Variants in SYT2 observed in about 807,000 individuals in gnomAD.
SYT2 encodes the protein synaptotagmin 2, also known as synaptotagmin-2.
SYT2 carries 15 observed loss-of-function variants against 39.9 expected under a neutral mutation model. The ratio of observed to expected loss-of-function variants is 0.38; its 90% CI spans 0.25 to 0.58. SYT2 has a LOEUF of 0.58. SYT2 is among the 20% of genes least tolerant of loss of function. The pLI is 0.70. For missense variants in SYT2, 389 were observed against 530.3 expected (o/e 0.73, Z 2.62); for synonymous variants, 181 against 204.5 (o/e 0.89, Z 0.98).
chr1:202,695,260 C>CA (rs972468764), intron 1 of SYT2, among the ~76,000 whole-genome samples: 7 of 152,274 alleles, frequency 4.6e-5, no homozygotes, highest in Admixed American at 3.3e-4. Flanking sequence ...CTGGTAACAA[C>CA]AAAAAGTCTA....
At chr1:202,631,582 G>A (rs534082250) in intron 1 of SYT2, among the ~76,000 whole-genome samples, 1 of 152,270 alleles carries the variant, frequency 6.6e-6, no homozygotes, top group East Asian at 1.9e-4. Context: ...CACCAGGCAT[G>A]GTTCCTCATG....
chr1:202,669,241 C>T (rs1471034656), intron 1 of SYT2, among the ~76,000 whole-genome samples: 1 of 152,156 alleles, frequency 6.6e-6, no homozygotes, highest in Non-Finnish European at 1.5e-5. Flanking sequence ...ATCTTTAGCA[C>T]AGGCATGATG....
intron 1 of SYT2, among the ~76,000 whole-genome samples, chr1:202,691,728 GGGGGGA>G (rs1653833655): frequency 7.0e-5 from 1 of 14,252 alleles, no homozygotes; most frequent in African/African-American, 1.8e-4. Flanking sequence ...AGAGGGAGAG[GGGGGGA>G]GAGAGAGAGA....
chr1:202,632,619 T>C, intron 1 of SYT2: 1 of 984,188 alleles, frequency 1.0e-6, no homozygotes, highest in Non-Finnish European at 1.2e-6. Context: ...CAGGCTCGAC[T>C]CTTCTCCAAG....
At position 202,599,237 on chromosome 1, in the gene SYT2, A is replaced by C; in HGVS notation, c.1034T>G (p.Ile345Ser). The change falls in exon 8 of 9, where the codon ATC becomes AGC. Residue 345 changes from isoleucine to serine, a missense_variant. Transcript: ENST00000367268. The surrounding 1 kb of genome is among the most constrained non-coding windows in gnomAD (Gnocchi z 4.4). ...CAGCACCTGAATCTGCTCGAAGGGG[A>C]TCTCAAAGCTGAAGGACTCGTTGAA... ...PYFNESFSFE[I>S]PFEQIQKVQV... is the part of the protein sequence containing the mutation. The C allele has an allele frequency of 6.2e-7, 1 of 1,613,162 alleles. No homozygotes were observed. The highest frequency in any genetic ancestry group is 8.5e-7 in the Non-Finnish European group (1 of 1,179,600).
chr1:202,684,005 TTA>T (rs1323418226), intron 1 of SYT2, among the ~76,000 whole-genome samples: 4 of 152,032 alleles, frequency 2.6e-5, no homozygotes, highest in East Asian at 1.9e-4. Context: ...TATTAACTAT[TTA>T]TGTTATATAT....
chr1:202,656,145 C>T (rs1008706066), intron 1 of SYT2, among the ~76,000 whole-genome samples: 3 of 150,386 alleles, frequency 2.0e-5, no homozygotes, highest in Middle Eastern at 3.2e-3. Flanking sequence ...CACACACACA[C>T]GTGCACATAT....
intron 1 of SYT2, among the ~76,000 whole-genome samples, chr1:202,702,386 C>A (rs893639601): frequency 6.6e-6 from 1 of 152,242 alleles, no homozygotes; most frequent in African/African-American, 2.4e-5. Context: ...GGAAACAGGG[C>A]AGCCTTATTA....
chr1:202,644,186 T>C (rs976384081), intron 1 of SYT2, among the ~76,000 whole-genome samples: 7 of 151,844 alleles, frequency 4.6e-5, no homozygotes, highest in African/African-American at 1.7e-4. Flanking sequence ...CACGGGCCAC[T>C]TGGGGAGGGG....
At chr1:202,627,672 G>A (rs1285780735) in intron 1 of SYT2, 1 of 979,308 alleles carries the variant, frequency 1.0e-6, no homozygotes, top group Non-Finnish European at 1.2e-6. Flanking sequence ...GGTTTGACCA[G>A]GAGTTGTCTG....
intron 1 of SYT2, among the ~76,000 whole-genome samples, chr1:202,706,415 A>G (rs4364933): frequency 0.61 from 92,932 of 151,818 alleles, 29,610 homozygotes; most frequent in East Asian, 0.78. Flanking sequence ...CCCAAGGATG[A>G]AAAGCACTTA....
chr1:202,667,287 T>A (rs6667607), intron 1 of SYT2, among the ~76,000 whole-genome samples: 4,076 of 152,260 alleles, frequency 0.027, 171 homozygotes, highest in African/African-American at 0.093. Context: ...ACACAACTAC[T>A]GCCAGAGAGG....
At position 202,696,308 on chromosome 1, in the gene SYT2, G is replaced by C. The variant is rs564226874; in HGVS notation, c.-18+13950C>G. ...TGCACACACCCCTGGCAGTGCCAGA[G>C]AGTGGATCTGACACCCCATGAAAAG... On this transcript the variant is annotated intron_variant, in intron 1 of 8. Coordinates refer to ENST00000367268, the MANE Select transcript of SYT2 (RefSeq NM_177402.5). Among the ~76,000 whole-genome samples the C allele has an allele frequency of 2.3e-4, 35 of 152,250 alleles. No individual in the cohort carries two copies. In the South Asian group the frequency reaches 7.3e-3, roughly 32 times the overall value.
chr1:202,627,862 C>T (rs1191911865), intron 1 of SYT2, among the ~76,000 whole-genome samples: 1 of 152,210 alleles, frequency 6.6e-6, no homozygotes, highest in Non-Finnish European at 1.5e-5. Context: ...GACGACAGAG[C>T]TCAGGCCTTT....
intron 1 of SYT2, among the ~76,000 whole-genome samples, chr1:202,633,828 G>T (rs978544543): frequency 2.0e-5 from 3 of 152,176 alleles, no homozygotes; most frequent in Admixed American, 1.3e-4. Flanking sequence ...TTTAACTGAG[G>T]CTCAAAGGGA....
intron 1 of SYT2, among the ~76,000 whole-genome samples, chr1:202,665,321 C>T (rs1450559630): frequency 6.6e-6 from 1 of 152,178 alleles, no homozygotes; most frequent in Non-Finnish European, 1.5e-5. Flanking sequence ...AACTTCTATA[C>T]TCCTTTTTAG....
chr1:202,619,720 G>A (rs1163277384), intron 1 of SYT2, among the ~76,000 whole-genome samples: 7 of 152,182 alleles, frequency 4.6e-5, no homozygotes, highest in Non-Finnish European at 8.8e-5. Flanking sequence ...TGCCAGAGAG[G>A]TCAAAGTCCA....
chr1:202,620,231 C>T (rs1408125536), intron 1 of SYT2, among the ~76,000 whole-genome samples: 2 of 152,382 alleles, frequency 1.3e-5, no homozygotes, highest in Non-Finnish European at 1.5e-5. Context: ...GTGACAGTGT[C>T]AGTCCCAAGC....
intron 3 of SYT2, 71 bp downstream of exon 3, chr1:202,604,384 C>T: frequency 2.0e-6 from 3 of 1,527,786 alleles, no homozygotes; most frequent in Non-Finnish European, 2.7e-6. Flanking sequence ...GGAGCCTTTG[C>T]TTCCCCTTTC....
Sources: gnomAD v4.1 joint callset for allele counts (sites outside exome capture counted in the v4.1 genomes callset) on GRCh38, gnomAD v4.1.1 for gene constraint, Gnocchi (gnomAD v3.1) non-coding constraint, MANE v1.5 for transcripts, NCBI Gene and HGNC (gene_info 2026-07-23, HGNC 2026-07-21) for gene names.